The following CHL1 variants were observed in gnomAD, a reference collection of about 807,000 sequenced individuals.
CHL1 encodes neural cell adhesion molecule L1-like protein.
In CHL1, 96 loss-of-function variants were observed where a neutral mutation model predicts 141.9. The ratio of observed to expected loss-of-function variants is 0.68; its 90% confidence interval spans 0.57 to 0.80. The LOEUF is 0.80. Among genes scored for constraint, CHL1 ranks in the 30% least tolerant of loss-of-function variants. CHL1 has a pLI of 0.00. For synonymous variants in CHL1, 613 were observed against 502.2 expected (o/e 1.22, Z -2.95); for missense variants, 1,820 against 1,457.2 (o/e 1.25, Z -4.05).
intron 1 of CHL1, among the ~76,000 whole-genome samples, chr3:226,877 T>G (rs762417110): frequency 5.9e-5 from 9 of 152,188 alleles, no homozygotes; most frequent in Non-Finnish European, 1.0e-4. Context: ...AGACTTCATA[T>G]AGGAGAGTTT....
chr3:359,487 G>A (rs777588925), intron 11 of CHL1, among the ~76,000 whole-genome samples: 6 of 151,992 alleles, frequency 3.9e-5, no homozygotes, highest in Admixed American at 6.6e-5. Flanking sequence ...ATTTTTAGTG[G>A]AGACAGGGTT....
In CHL1 at chr3:312,820, G is replaced by A. The variant is rs570733139; in HGVS notation, c.-94-6863G>A. The stretch of plus-strand genomic sequence containing the variant: ...AAAATTTAAACATTTCCGAGTTATA[G>A]CACTGTCTCAGACTATTATACAAAT... On this transcript the variant is annotated intron_variant, in intron 2 of 27. Coordinates refer to ENST00000256509, the MANE Select transcript of CHL1 (RefSeq NM_006614.4). Among the ~76,000 whole-genome samples the A allele has an allele frequency of 9.1e-4, 139 of 152,248 alleles. No homozygotes were observed. The South Asian group carries it at 0.013, about 15-fold the overall frequency.
chr3:214,131 A>G (rs1700113771), intron 1 of CHL1, among the ~76,000 whole-genome samples: 1 of 152,190 alleles, frequency 6.6e-6, no homozygotes. Context: ...TTTGGTGCCA[A>G]TAATCTATTG....
intron 16 of CHL1, among the ~76,000 whole-genome samples, chr3:381,348 G>C (rs896932104): frequency 2.6e-5 from 4 of 152,142 alleles, no homozygotes. Flanking sequence ...ACCCAGTGCA[G>C]TAAGACCAGG....
At chr3:208,238 A>G (rs935294430) in intron 1 of CHL1, among the ~76,000 whole-genome samples, 1 of 152,220 alleles carries the variant, frequency 6.6e-6, no homozygotes, top group African/African-American at 2.4e-5. Context: ...GCCAGCTATT[A>G]TTATTACTAA....
chr3:222,916 T>C (rs890456476), intron 1 of CHL1, among the ~76,000 whole-genome samples: 1 of 152,188 alleles, frequency 6.6e-6, no homozygotes. Context: ...TAGCCAGCAG[T>C]ATAGCATCTT....
At chr3:224,407 A>G (rs1345346887) in intron 1 of CHL1, among the ~76,000 whole-genome samples, 1 of 152,058 alleles carries the variant, frequency 6.6e-6, no homozygotes, top group Non-Finnish European at 1.5e-5. Flanking sequence ...AGTGTTCGAG[A>G]TTAGGCCTGG....
intron 2 of CHL1, among the ~76,000 whole-genome samples, chr3:286,818 A>G (rs146704779): frequency 1.5e-3 from 221 of 152,256 alleles, no homozygotes; most frequent in African/African-American, 4.6e-3. Context: ...TTTAGACCAT[A>G]TAAGGTAACT....
In CHL1 at chr3:382,534, G is replaced by A. The variant is rs192372190; in HGVS notation, c.2039G>A (p.Arg680Lys). The A allele has an allele frequency of 4.1e-5, 66 of 1,613,866 alleles. No homozygotes were observed. The highest frequency in any genetic ancestry group is 5.2e-5 in the Non-Finnish European group (61 of 1,179,850). The change falls in exon 18 of 28, where the codon AGA (arginine) becomes AAA (lysine). Residue 680 changes from arginine (R) to lysine (K), a missense_variant. Physicochemically the swap from Arg to Lys is conservative, Grantham distance 26 (BLOSUM62 2). Coordinates refer to ENST00000256509, the MANE Select transcript of CHL1 (RefSeq NM_006614.4). ...EEPGRWEELT[R>K]VQGKKTTVIL... The stretch of plus-strand genomic sequence containing the variant: ...CCTGGAAGGTGGGAGGAACTGACCA[G>A]AGTCCAAGGAAAGAAAACCACAGTT...
intron 10 of CHL1, among the ~76,000 whole-genome samples, chr3:352,993 C>T (rs530636880): frequency 3.3e-5 from 5 of 152,208 alleles, no homozygotes; most frequent in South Asian, 2.1e-4. Flanking sequence ...TGTGGAATGG[C>T]GAGAACAGGA....
intron 26 of CHL1, 75 bp downstream of exon 26, chr3:399,223 T>C: frequency 7.9e-7 from 1 of 1,264,910 alleles, no homozygotes; most frequent in Non-Finnish European, 1.1e-6. Flanking sequence ...GAGACAACTT[T>C]TTTTAAAAAT....
At chr3:374,884 G>A (rs1706119612) in intron 15 of CHL1, among the ~76,000 whole-genome samples, 1 of 152,168 alleles carries the variant, frequency 6.6e-6, no homozygotes, top group African/African-American at 2.4e-5. Flanking sequence ...AAGACCGGAA[G>A]CTTTAACCTA....
At chr3:370,737 G>C (rs1015100861) in intron 15 of CHL1, among the ~76,000 whole-genome samples, 8 of 152,118 alleles carry the variant, frequency 5.3e-5, no homozygotes, top group African/African-American at 1.9e-4. Context: ...TCTGATGTGG[G>C]CATTTAGTGC....
intron 1 of CHL1, chr3:213,482 T>G (rs1428189793): frequency 6.6e-6 from 1 of 152,198 alleles, no homozygotes; most frequent in Non-Finnish European, 1.5e-5. Flanking sequence ...TGGCCTGAAG[T>G]TGCTTACTGT....
At chr3:324,175 A>G (rs539649220) in intron 3 of CHL1, among the ~76,000 whole-genome samples, 5 of 152,206 alleles carry the variant, frequency 3.3e-5, no homozygotes, top group Admixed American at 2.0e-4. Flanking sequence ...CTAAATCCTT[A>G]ATATTACAAA....
intron 2 of CHL1, among the ~76,000 whole-genome samples, chr3:286,558 C>G (rs999465978): frequency 6.7e-6 from 1 of 148,842 alleles, no homozygotes; most frequent in African/African-American, 2.5e-5. Flanking sequence ...TTGCAGTGAG[C>G]CGAGATTGCG....
intron 2 of CHL1, among the ~76,000 whole-genome samples, chr3:297,337 G>T (rs1406200444): frequency 6.6e-6 from 1 of 152,156 alleles, no homozygotes; most frequent in African/African-American, 2.4e-5. Context: ...GGTCAGAAAA[G>T]CGTAATTTGT....
At position 408,424 on chromosome 3, in the gene CHL1, C is replaced by G. The variant is rs1388222588; in HGVS notation, c.*2713C>G. On this transcript the variant is annotated 3_prime_UTR_variant, in exon 28 of 28. Coordinates refer to ENST00000256509, the MANE Select transcript of CHL1 (RefSeq NM_006614.4). ...ACTGATTTTGTACATAAACATTAGG[C>G]AGGTTGCTTAACCTTTTTATTTCAA... 6.6e-6 allele frequency: 1 copy of G among 152,126 alleles called. No individual in the cohort carries two copies. The highest frequency in any genetic ancestry group is 2.4e-5 in the African/African-American group (1 of 41,440). The allele number at this position is 152,126 out of a possible 1,614,324, so 9.4% of individuals were successfully genotyped here. A position where few individuals can be genotyped will look rare whatever the true frequency, so the allele number is the denominator to read the frequency against.
At chr3:242,995 G>A (rs1309825464) in intron 1 of CHL1, among the ~76,000 whole-genome samples, 1 of 152,086 alleles carries the variant, frequency 6.6e-6, no homozygotes, top group Non-Finnish European at 1.5e-5. Flanking sequence ...CACCTGAGGT[G>A]GCTTCATGAC....
Sources: gnomAD v4.1 joint callset for allele counts (sites outside exome capture counted in the v4.1 genomes callset) on GRCh38, gnomAD v4.1.1 for gene constraint, MANE v1.5 for transcripts, NCBI Gene and HGNC (gene_info 2026-07-23, HGNC 2026-07-21) for gene names.